The following CNOT4 variants were observed in gnomAD, a reference collection of about 807,000 sequenced individuals.
CNOT4 encodes the protein CCR4-associated factor 4.
CNOT4 carries 8 observed loss-of-function variants against 73.8 expected under a neutral mutation model. That is an observed-to-expected ratio of 0.11 (90% CI 0.06 to 0.20). The LOEUF (loss-of-function observed/expected upper bound fraction) is 0.20. Ranked by LOEUF, CNOT4 falls within the 10% of genes least tolerant of loss-of-function variation. The pLI, the probability that CNOT4 is intolerant of heterozygous loss-of-function variation, is 1.00. For missense variants in CNOT4, 564 were observed against 883.4 expected, an observed-to-expected ratio of 0.64 and a Z score of 4.58; for synonymous variants, 293 against 321.1, an observed-to-expected ratio of 0.91 and a Z score of 0.94.
chr7:135,416,568 T>C lies in CNOT4; in HGVS notation c.373-1306A>G, dbSNP rs1797884778. Among the ~76,000 whole-genome samples the C allele has an allele frequency of 2.0e-5, 3 of 152,064 alleles. No homozygotes were observed. The South Asian group carries it at 6.2e-4, about 32-fold the overall frequency. On this transcript the variant is annotated intron_variant, in intron 3 of 11. Coordinates refer to ENST00000541284, the MANE Select transcript of CNOT4 (RefSeq NM_001190850.2). ...GGTTGATAAAGAGAGAAGAGCAGAG[T>C]TTGAAAAAGCTTTCTGGCTAGTGGA...
Position 135,393,978 on chromosome 7 carries a change from A to G in CNOT4, c.1567T>C (p.Phe523Leu), listed in dbSNP as rs751835452. 3.3e-5 allele frequency: 54 copies of G among 1,613,940 alleles called. 1 individual carries two copies. In the South Asian group the frequency reaches 5.4e-4, roughly 16 times the overall value. The change falls in exon 10 of 12, where the codon TTC (phenylalanine) becomes CTC (leucine). Residue 523 changes from phenylalanine to leucine, a missense_variant. Coordinates refer to ENST00000541284, the MANE Select transcript of CNOT4 (RefSeq NM_001190850.2). ...HTANPTSNSNFLDLNLPPQHN... is the reference protein window; with the variant it reads ...HTANPTSNSNLLDLNLPPQHN... ...TGTGGCGGGAGATTCAAGTCCAAGA[A>G]ATTACTATTTGAGGTGGGGTTTGCT...
At chr7:135,505,108 A>T (rs951229811) in intron 1 of CNOT4, among the ~76,000 whole-genome samples, 6 of 152,220 alleles carry the variant, frequency 3.9e-5, no homozygotes, top group African/African-American at 1.4e-4. Context: ...GCCATACTTT[A>T]AAAAAGTTGT....
chr7:135,398,430 GAACT>G (rs1796819581), intron 7 of CNOT4, among the ~76,000 whole-genome samples: 1 of 151,942 alleles, frequency 6.6e-6, no homozygotes, highest in South Asian at 2.1e-4. Context: ...TCCAATATCT[GAACT>G]GCTTCAAAAT....
chr7:135,448,269 G>A (rs1799947961), intron 1 of CNOT4, among the ~76,000 whole-genome samples: 1 of 152,184 alleles, frequency 6.6e-6, no homozygotes, highest in Non-Finnish European at 1.5e-5. Flanking sequence ...AAAGTGCTGA[G>A]TGTGGTGGCT....
At chr7:135,429,967 A>G (rs1446463550) in intron 2 of CNOT4, among the ~76,000 whole-genome samples, 1 of 152,220 alleles carries the variant, frequency 6.6e-6, no homozygotes, top group East Asian at 1.9e-4. Flanking sequence ...AAAATACCAC[A>G]AAGATGGAGT....
intron 7 of CNOT4, among the ~76,000 whole-genome samples, chr7:135,400,956 CA>C (rs372302284): frequency 1.1e-4 from 16 of 152,058 alleles, no homozygotes; most frequent in African/African-American, 3.6e-4. Flanking sequence ...TATAACAAGT[CA>C]ATTATAGTTA....
At chr7:135,474,613 T>C (rs969157713) in intron 1 of CNOT4, among the ~76,000 whole-genome samples, 1 of 152,160 alleles carries the variant, frequency 6.6e-6, no homozygotes, top group African/African-American at 2.4e-5. Flanking sequence ...GTGCAGTGCA[T>C]AGTAGTCTAC....
At chr7:135,385,568 G>C (rs1437790822) in intron 10 of CNOT4, among the ~76,000 whole-genome samples, 4 of 151,778 alleles carry the variant, frequency 2.6e-5, no homozygotes, top group Non-Finnish European at 4.4e-5. Flanking sequence ...TAATTCCCAG[G>C]ATGCTAAGAG....
At chr7:135,470,907 C>T (rs1320369764) in intron 1 of CNOT4, among the ~76,000 whole-genome samples, 16 of 152,192 alleles carry the variant, frequency 1.1e-4, no homozygotes, top group South Asian at 2.1e-4. Flanking sequence ...GTGGGTTACA[C>T]AGGTGCATGC....
chr7:135,424,304 T>C (rs943032271), intron 2 of CNOT4, among the ~76,000 whole-genome samples: 3 of 152,298 alleles, frequency 2.0e-5, no homozygotes, highest in African/African-American at 7.2e-5. Context: ...TCTGCCTGGA[T>C]GATTTTAATC....
chr7:135,412,074 A>C (rs1797615043), intron 6 of CNOT4, among the ~76,000 whole-genome samples: 1 of 151,988 alleles, frequency 6.6e-6, no homozygotes. Context: ...TTAGTTTTAA[A>C]TTATTTTTAA....
chr7:135,392,807 T>C (rs1303892568), intron 10 of CNOT4, among the ~76,000 whole-genome samples: 3 of 152,112 alleles, frequency 2.0e-5, no homozygotes, highest in African/African-American at 7.2e-5. Context: ...AAACATGAAA[T>C]ATTGTCGGTC....
rs568988901 is a variant in CNOT4 at position 135,438,337 on chromosome 7, C to G, written c.-6G>C. 1.9e-6 allele frequency: 3 copies of G among 1,583,024 alleles called. No homozygotes were observed. Among genetic ancestry groups the G allele is most frequent in the Non-Finnish European group, 2.6e-6 (3 of 1,164,926 alleles). On this transcript the variant is annotated 5_prime_UTR_variant, in exon 2 of 12. Transcript: ENST00000541284. ...GCATCAGGACTGCGAGACATCTTCA[C>G]GTTTATTAAACAGCAGCAAAAGTTT...
Position 135,499,111 on chromosome 7 carries a change from C to G in CNOT4, c.-93+10778G>C, listed in dbSNP as rs192606162. Among the ~76,000 whole-genome samples, 56 of 152,194 alleles carry G rather than the reference C, an allele frequency of 3.7e-4. No homozygotes were observed. In the Middle Eastern group the frequency reaches 0.014, roughly 37 times the overall value. ...TTAAAAGATAGGGAGTGCCTAACTA[C>G]AACATTATCATTTTCTTCTCTTTCC... is the stretch of plus-strand genomic sequence containing the variant. On this transcript the variant is annotated intron_variant, in intron 1 of 11. Coordinates refer to ENST00000541284, the MANE Select transcript of CNOT4 (RefSeq NM_001190850.2).
At chr7:135,465,071 C>T (rs1034090586) in intron 1 of CNOT4, among the ~76,000 whole-genome samples, 1 of 152,146 alleles carries the variant, frequency 6.6e-6, no homozygotes, top group African/African-American at 2.4e-5. Flanking sequence ...ATTTGGAAGA[C>T]AGCTGGGCTA....
At position 135,362,967 on chromosome 7, in the gene CNOT4, G is replaced by A. The variant is rs772268372; in HGVS notation, c.2060C>T (p.Pro687Leu). Residue 687 changes from proline (P) to leucine (L), a missense_variant, in exon 12 of 12, where the codon CCC becomes CTC. Pro to Leu is a moderately conservative substitution (Grantham distance 98). This residue lies in a region of CNOT4 where 88 missense variants were observed against 94.7 expected (regional missense o/e 0.93). Coordinates refer to ENST00000541284, the MANE Select transcript of CNOT4 (RefSeq NM_001190850.2). ...PSNPSSFHSP[P>L]PGFQTAFRPP... is the part of the protein sequence containing the mutation. The stretch of plus-strand genomic sequence containing the variant: ...TCTGAAGGCTGTCTGAAAGCCTGGG[G>A]GTGGGGAGTGGAAGCTGGAAGGGTT... 3.7e-6 allele frequency: 6 copies of A among 1,613,266 alleles called. No homozygotes were observed. Among genetic ancestry groups the A allele is most frequent in the Non-Finnish European group, 5.1e-6 (6 of 1,179,562 alleles).
intron 8 of CNOT4, among the ~76,000 whole-genome samples, chr7:135,397,223 T>G (rs778540969): frequency 2.7e-4 from 41 of 152,090 alleles, no homozygotes; most frequent in Non-Finnish European, 4.0e-4. Context: ...AACTTCTGAT[T>G]GTTAAAGGAG....
At chr7:135,369,946 T>C (rs1795107345) in intron 10 of CNOT4, among the ~76,000 whole-genome samples, 1 of 152,234 alleles carries the variant, frequency 6.6e-6, no homozygotes, top group African/African-American at 2.4e-5. Flanking sequence ...AAGAAAGCCT[T>C]CATAATATAA....
chr7:135,486,447 T>C (rs1282952072), intron 1 of CNOT4, among the ~76,000 whole-genome samples: 1 of 152,238 alleles, frequency 6.6e-6, no homozygotes, highest in African/African-American at 2.4e-5. Context: ...ACTCATTTAA[T>C]GCTTATGAGA....
Sources: gnomAD v4.1 joint callset for allele counts (sites outside exome capture counted in the v4.1 genomes callset) on GRCh38, gnomAD v4.1.1 for gene constraint, gnomAD v4.1.1 regional missense constraint, MANE v1.5 for transcripts, NCBI Gene and HGNC (gene_info 2026-07-23, HGNC 2026-07-21) for gene names.